The following ZNF521 variants were observed in gnomAD, a reference collection of about 807,000 sequenced individuals.
The protein encoded by ZNF521 is zinc finger protein 521, also known as LYST-interacting protein 3.
A neutral mutation model predicts 105.5 loss-of-function variants in ZNF521; 14 were observed. The ratio of observed to expected loss-of-function variants is 0.13; its 90% CI spans 0.09 to 0.21. The LOEUF (loss-of-function observed/expected upper bound fraction) is 0.21. Among genes scored for constraint, ZNF521 ranks in the 10% least tolerant of loss-of-function variants. The pLI is 1.00. For missense variants in ZNF521, 1,233 were observed against 1,629.7 expected (o/e 0.76, Z 4.19); for synonymous variants, 635 against 606.0 (o/e 1.05, Z -0.70).
chr18:25,291,984 G>A (rs979383507), intron 3 of ZNF521, among the ~76,000 whole-genome samples: 4 of 151,908 alleles, frequency 2.6e-5, no homozygotes, highest in African/African-American at 9.7e-5. Flanking sequence ...AAATATTTTA[G>A]TACCTGACAG....
At chr18:25,263,715 A>T (rs1043869969) in intron 3 of ZNF521, among the ~76,000 whole-genome samples, 1 of 152,148 alleles carries the variant, frequency 6.6e-6, no homozygotes, top group Non-Finnish European at 1.5e-5. Flanking sequence ...AGCTGGGACT[A>T]CAGGTGCACA....
intron 5 of ZNF521, among the ~76,000 whole-genome samples, chr18:25,128,090 A>G (rs965117170): frequency 1.3e-5 from 2 of 151,980 alleles, no homozygotes; most frequent in African/African-American, 4.8e-5. Context: ...ATATTAGCAA[A>G]TTGAATCCAA....
At chr18:25,093,092 T>A (rs999094584) in intron 5 of ZNF521, among the ~76,000 whole-genome samples, 1 of 152,138 alleles carries the variant, frequency 6.6e-6, no homozygotes, top group Non-Finnish European at 1.5e-5. Context: ...GAAAAACTAC[T>A]ATTAGTCTCA....
intron 3 of ZNF521, among the ~76,000 whole-genome samples, chr18:25,270,470 C>T (rs1413694869): frequency 6.6e-6 from 1 of 151,938 alleles, no homozygotes; most frequent in Non-Finnish European, 1.5e-5. Context: ...AGAGACACAA[C>T]AAAAAAAGAA....
chr18:25,116,103 A>G (rs535745616), intron 5 of ZNF521, among the ~76,000 whole-genome samples: 1 of 152,130 alleles, frequency 6.6e-6, no homozygotes, highest in Non-Finnish European at 1.5e-5. Context: ...ATCTGTTGTG[A>G]TGGTATTCTC....
intron 3 of ZNF521, among the ~76,000 whole-genome samples, chr18:25,306,723 G>A (rs1911999804): frequency 6.6e-6 from 1 of 151,742 alleles, no homozygotes; most frequent in Admixed American, 6.6e-5. Context: ...AATCTGAGAA[G>A]AAGAGATCCT....
chr18:25,213,121 T>G (rs2036222033), intron 4 of ZNF521, among the ~76,000 whole-genome samples: 1 of 150,078 alleles, frequency 6.7e-6, no homozygotes, highest in East Asian at 1.9e-4. Context: ...AAATATTAGT[T>G]AAAATTTCCC....
In ZNF521 at chr18:25,139,407, A is replaced by G. The variant is rs753078914; in HGVS notation, c.3659-47326T>C. Among the ~76,000 whole-genome samples, 30 of 142,884 alleles carry G rather than the reference A, an allele frequency of 2.1e-4. No homozygotes were observed. The East Asian group carries it at 3.3e-3, about 16-fold the overall frequency. 93.7% of individuals were successfully genotyped at this position (142,884 alleles called of 152,430 possible). ...AAAAAAAAAAAAAAAAAAAAAGACA[A>G]TAAGCCTTTAAGAGCAAAGGAATCT... On this transcript the variant is annotated intron_variant, in intron 5 of 7. Transcript: ENST00000361524.
chr18:25,240,989 A>T (rs1166932368), intron 3 of ZNF521, among the ~76,000 whole-genome samples: 1 of 151,914 alleles, frequency 6.6e-6, no homozygotes, highest in Non-Finnish European at 1.5e-5. Context: ...AGCAATACTG[A>T]ACACTCCAAT....
chr18:25,062,403 A>C lies in ZNF521; in HGVS notation c.*309T>G, dbSNP rs151185988. 2.8e-3 allele frequency: 923 copies of C among 334,642 alleles called. 10 individuals carry two copies. Among genetic ancestry groups the C allele is most frequent in the African/African-American group, 0.018 (835 of 47,056 alleles). 20.7% of individuals were successfully genotyped at this position (334,642 alleles called of 1,614,324 possible). A position where few individuals can be genotyped will look rare whatever the true frequency, so the allele number is the denominator to read the frequency against. On this transcript the variant is annotated 3_prime_UTR_variant, in exon 8 of 8. Coordinates refer to ENST00000361524, the MANE Select transcript of ZNF521 (RefSeq NM_015461.3). ...TTCTTCCTTAAAAATACTTTATCTT[A>C]AGCCATTTTGGTCATAGTCTTTTTT...
chr18:25,073,455 C>T (rs922857226), intron 7 of ZNF521, among the ~76,000 whole-genome samples: 2 of 152,176 alleles, frequency 1.3e-5, no homozygotes, highest in Non-Finnish European at 2.9e-5. Flanking sequence ...ACTTCACTTC[C>T]GTGTTTGAAA....
intron 3 of ZNF521, among the ~76,000 whole-genome samples, chr18:25,249,258 C>T (rs1381802357): frequency 5.3e-5 from 8 of 151,188 alleles, no homozygotes; most frequent in African/African-American, 1.9e-4. Flanking sequence ...TGGGTTCATG[C>T]CATTCTCCTG....
chr18:25,209,687 T>C (rs1044633100), intron 4 of ZNF521, among the ~76,000 whole-genome samples: 13 of 152,330 alleles, frequency 8.5e-5, no homozygotes, highest in African/African-American at 3.1e-4. Flanking sequence ...ACTTAAATGT[T>C]ATTTCTCCAA....
intron 3 of ZNF521, among the ~76,000 whole-genome samples, chr18:25,303,486 CG>C (rs1911775119): frequency 1.3e-5 from 2 of 151,948 alleles, no homozygotes; most frequent in African/African-American, 4.8e-5. Context: ...TTAGTAGAGA[CG>C]GGGTTTCACT....
chr18:25,283,703 C>A (rs565136990), intron 3 of ZNF521, among the ~76,000 whole-genome samples: 2 of 152,280 alleles, frequency 1.3e-5, no homozygotes, highest in African/African-American at 4.8e-5. Flanking sequence ...TTGGGTAAAT[C>A]TGAAAACATC....
At chr18:25,147,959 A>C (rs897514657) in intron 5 of ZNF521, among the ~76,000 whole-genome samples, 1 of 152,164 alleles carries the variant, frequency 6.6e-6, no homozygotes, top group East Asian at 1.9e-4. Flanking sequence ...GGAAGGGCTG[A>C]GTTCTACCCC....
At chr18:25,273,028 A>G (rs1249742878) in intron 3 of ZNF521, among the ~76,000 whole-genome samples, 1 of 151,710 alleles carries the variant, frequency 6.6e-6, no homozygotes, top group Non-Finnish European at 1.5e-5. Flanking sequence ...GGAGTTCAAG[A>G]CCAGCCTGGG....
chr18:25,080,266 A>C (rs915422466), intron 7 of ZNF521, among the ~76,000 whole-genome samples: 4 of 152,210 alleles, frequency 2.6e-5, no homozygotes, highest in African/African-American at 9.7e-5. Context: ...CCACTATTAA[A>C]GGACTCGTTT....
chr18:25,067,756 C>T (rs2033107502), intron 7 of ZNF521, among the ~76,000 whole-genome samples: 1 of 152,104 alleles, frequency 6.6e-6, no homozygotes, highest in Admixed American at 6.5e-5. Flanking sequence ...AAATTAAATT[C>T]CCAACCCCAA....
Sources: allele counts gnomAD v4.1 joint callset (sites outside exome capture counted in the v4.1 genomes callset), GRCh38; gene constraint gnomAD v4.1.1; transcripts MANE v1.5; gene names NCBI Gene and HGNC (gene_info 2026-07-23, HGNC 2026-07-21).